The following CACNA2D3 variants were observed in gnomAD, a reference collection of about 807,000 sequenced individuals.
CACNA2D3 encodes the protein calcium voltage-gated channel auxiliary subunit alpha2delta 3.
A neutral mutation model predicts 160.6 loss-of-function variants in CACNA2D3; 60 were observed. The observed-to-expected ratio is 0.37, with a 90% CI of 0.30 to 0.46. The LOEUF is 0.46. Among genes scored for constraint, CACNA2D3 ranks in the 20% least tolerant of loss-of-function variants. The pLI is 1.00. For missense variants in CACNA2D3, 1,205 were observed against 1,365.0 expected, an observed-to-expected ratio of 0.88 and a Z score of 1.85; for synonymous variants, 558 against 492.9, an observed-to-expected ratio of 1.13 and a Z score of -1.75.
At chr3:54,716,096 A>G (rs1262210131) in intron 11 of CACNA2D3, among the ~76,000 whole-genome samples, 1 of 152,216 alleles carries the variant, frequency 6.6e-6, no homozygotes, top group African/African-American at 2.4e-5. Context: ...TGTCAATTAT[A>G]TATTTTAAAA....
chr3:54,723,745 C>T lies in CACNA2D3; in HGVS notation c.1168-28854C>T, dbSNP rs565177564. ...TCCAACCATTCTCAGTGAGATGAAC[C>T]GAGTACCTCAGTTGGAAATGCAGAA... On this transcript the variant is annotated intron_variant, in intron 11 of 37. Transcript: ENST00000474759. Among the ~76,000 whole-genome samples the T allele has an allele frequency of 1.2e-4, 19 of 152,302 alleles. No homozygotes were observed. In the South Asian group the frequency reaches 2.9e-3, roughly 23 times the overall value.
At chr3:54,943,681 G>GTATTACTACTATTTTC (rs377374875) in intron 27 of CACNA2D3, among the ~76,000 whole-genome samples, 2,523 of 152,004 alleles carry the variant, frequency 0.017, 68 homozygotes, top group African/African-American at 0.057. Flanking sequence ...TCTCAAATAT[G>GTATTACTACTATTTTC]TATTACTACT....
At chr3:54,455,016 C>T (rs901447398) in intron 4 of CACNA2D3, among the ~76,000 whole-genome samples, 2 of 152,158 alleles carry the variant, frequency 1.3e-5, no homozygotes, top group Admixed American at 1.3e-4. Flanking sequence ...TGAGTTGCTT[C>T]CCTATCTTGG....
At chr3:54,341,051 G>A (rs1430750520) in intron 3 of CACNA2D3, among the ~76,000 whole-genome samples, 1 of 152,192 alleles carries the variant, frequency 6.6e-6, no homozygotes, top group African/African-American at 2.4e-5. Flanking sequence ...ATGGCTGGTG[G>A]CTTGCCCTGG....
chr3:54,865,555 A>T (rs1461282292), intron 17 of CACNA2D3, among the ~76,000 whole-genome samples: 1 of 152,374 alleles, frequency 6.6e-6, no homozygotes, highest in East Asian at 1.9e-4. Context: ...ATCAAAGGGG[A>T]GGAGGCCCTC....
chr3:54,364,590 G>A (rs997020073), intron 3 of CACNA2D3, among the ~76,000 whole-genome samples: 1 of 152,076 alleles, frequency 6.6e-6, no homozygotes, highest in Non-Finnish European at 1.5e-5. Context: ...TAAAAAAATT[G>A]TGAACAAAAA....
At chr3:54,245,596 A>G (rs571007390) in intron 2 of CACNA2D3, among the ~76,000 whole-genome samples, 5 of 152,304 alleles carry the variant, frequency 3.3e-5, no homozygotes, top group Admixed American at 2.6e-4. Flanking sequence ...CATGGGTTCC[A>G]TCAGTCAACT....
At chr3:54,417,261 A>T (rs745389617) in intron 4 of CACNA2D3, among the ~76,000 whole-genome samples, 1 of 152,266 alleles carries the variant, frequency 6.6e-6, no homozygotes. Flanking sequence ...ACAACAGCAC[A>T]AACAATTGGG....
chr3:55,051,360 A>T (rs376774856), intron 35 of CACNA2D3, among the ~76,000 whole-genome samples: 1 of 151,030 alleles, frequency 6.6e-6, no homozygotes, highest in African/African-American at 2.5e-5. Context: ...GGAATACCCT[A>T]CCGTGTGAGG....
intron 2 of CACNA2D3, among the ~76,000 whole-genome samples, chr3:54,292,541 A>T (rs1348177797): frequency 6.6e-6 from 1 of 152,246 alleles, no homozygotes; most frequent in African/African-American, 2.4e-5. Flanking sequence ...TCTTCAAAGA[A>T]GATACACAAA....
chr3:54,554,839 T>C (rs1232001135), intron 5 of CACNA2D3, among the ~76,000 whole-genome samples: 1 of 151,096 alleles, frequency 6.6e-6, no homozygotes, highest in African/African-American at 2.4e-5. Context: ...CTTGAGACTT[T>C]ATTTATTTCT....
Position 55,064,681 on chromosome 3 carries a change from C to G in CACNA2D3, c.2988-8764C>G, listed in dbSNP as rs144700581. On this transcript the variant is annotated intron_variant, in intron 35 of 37. Coordinates refer to ENST00000474759, the MANE Select transcript of CACNA2D3 (RefSeq NM_018398.3). The stretch of plus-strand genomic sequence containing the variant: ...GTGACCAGCCCTTCTGAGAGTAGGC[C>G]CCTCTGCAACTACACTGGTCACACC... Among the ~76,000 whole-genome samples the G allele has an allele frequency of 3.2e-3, 485 of 152,222 alleles. 2 individuals are homozygous for G. The highest frequency in any genetic ancestry group is 0.011 in the African/African-American group (462 of 41,538).
At chr3:54,349,974 T>G (rs557994558) in intron 3 of CACNA2D3, among the ~76,000 whole-genome samples, 1 of 152,376 alleles carries the variant, frequency 6.6e-6, no homozygotes, top group East Asian at 1.9e-4. Flanking sequence ...ACTTTGGTCA[T>G]GCATTTGTCT....
intron 4 of CACNA2D3, among the ~76,000 whole-genome samples, chr3:54,445,239 A>G (rs1700203043): frequency 6.6e-6 from 1 of 152,220 alleles, no homozygotes; most frequent in African/African-American, 2.4e-5. Context: ...AGCTAGGTCC[A>G]CTGTTGCCAC....
At chr3:54,824,470 T>C (rs1703707818) in intron 14 of CACNA2D3, among the ~76,000 whole-genome samples, 1 of 151,834 alleles carries the variant, frequency 6.6e-6, no homozygotes, top group Non-Finnish European at 1.5e-5. Flanking sequence ...ATTTGGAGAG[T>C]GTTGTACCAA....
intron 13 of CACNA2D3, among the ~76,000 whole-genome samples, chr3:54,805,304 G>C (rs1284625806): frequency 6.6e-6 from 1 of 152,052 alleles, no homozygotes; most frequent in East Asian, 1.9e-4. Context: ...TAGACCACTA[G>C]CAAGACTAAT....
At chr3:54,438,761 T>G (rs1161284835) in intron 4 of CACNA2D3, among the ~76,000 whole-genome samples, 1 of 152,206 alleles carries the variant, frequency 6.6e-6, no homozygotes, top group Non-Finnish European at 1.5e-5. Context: ...AATTTAACAA[T>G]CATTAAGGGA....
intron 13 of CACNA2D3, among the ~76,000 whole-genome samples, chr3:54,775,359 G>A (rs1273537221): frequency 6.6e-6 from 1 of 152,104 alleles, no homozygotes; most frequent in African/African-American, 2.4e-5. Context: ...ATGTCTTTGT[G>A]GACCCTTTCA....
At chr3:54,410,198 C>CA (rs977006779) in intron 4 of CACNA2D3, among the ~76,000 whole-genome samples, 2 of 151,700 alleles carry the variant, frequency 1.3e-5, no homozygotes, top group Non-Finnish European at 2.9e-5. Context: ...AAAATACACA[C>CA]AAAAAAATAG....
Sources: allele counts gnomAD v4.1 joint callset (sites outside exome capture counted in the v4.1 genomes callset), GRCh38; gene constraint gnomAD v4.1.1; transcripts MANE v1.5; gene names NCBI Gene and HGNC (gene_info 2026-07-23, HGNC 2026-07-21).